BFSP2: variants seen among roughly 807,000 people sequenced by gnomAD.
BFSP2 encodes the protein beaded filament structural protein 2.
In BFSP2, 38 loss-of-function variants were observed where a neutral mutation model predicts 44.9. The ratio of observed to expected loss-of-function variants is 0.85; its 90% CI spans 0.65 to 1.11. The LOEUF (loss-of-function observed/expected upper bound fraction) is 1.11. Among genes scored for constraint, BFSP2 ranks in the 50% least tolerant of loss-of-function variants. The pLI, the probability that BFSP2 is intolerant of heterozygous loss-of-function variation, is 0.00. For synonymous variants in BFSP2, 197 were observed against 209.9 expected (o/e 0.94, Z 0.53); for missense variants, 525 against 533.0 (o/e 0.99, Z 0.15).
intron 1 of BFSP2, among the ~76,000 whole-genome samples, chr3:133,433,107 T>C (rs1375267373): frequency 6.6e-6 from 1 of 152,172 alleles, no homozygotes; most frequent in Admixed American, 6.5e-5. Context: ...AGTCCCACAA[T>C]TACTATTGTT....
chr3:133,466,897 T>G lies in BFSP2; in HGVS notation c.961T>G (p.Leu321Val), dbSNP rs1340149547. 6.2e-7 allele frequency: 1 copy of G among 1,613,496 alleles called. No individual in the cohort carries two copies. The highest frequency in any genetic ancestry group is 1.7e-5 in the Admixed American group (1 of 59,942). Residue 321 changes from leucine (L) to valine (V), a missense_variant, in exon 5 of 7, where the codon TTA (leucine) becomes GTA (valine). By Grantham distance (32) the Leu-to-Val change is conservative. Coordinates refer to ENST00000302334, the MANE Select transcript of BFSP2 (RefSeq NM_003571.4). ...EKLAAALRVE[L>V]HNTSCQVQSL... Reference sequence around the variant, plus strand: ...GCTGGCAGCTGCCCTCAGGGTGGAGTTACACAACACTTCGTGCCAAGTCCA... The same window carrying G: ...GCTGGCAGCTGCCCTCAGGGTGGAGGTACACAACACTTCGTGCCAAGTCCA...
chr3:133,430,642 C>T (rs4635703), intron 1 of BFSP2, among the ~76,000 whole-genome samples: 118,051 of 152,028 alleles, frequency 0.78, 46,032 homozygotes, highest in Middle Eastern at 0.93. Context: ...AGGTGCCTGA[C>T]GTCCAGGCAT....
At chr3:133,474,077 C>T (rs1190760641) in intron 6 of BFSP2, among the ~76,000 whole-genome samples, 1 of 152,156 alleles carries the variant, frequency 6.6e-6, no homozygotes, top group African/African-American at 2.4e-5. Context: ...CACACACACA[C>T]TTGCACTCAC....
chr3:133,455,843 C>T (rs2074008431), intron 4 of BFSP2: 1 of 152,526 alleles, frequency 6.6e-6, no homozygotes, highest in Non-Finnish European at 1.5e-5. Flanking sequence ...GGCACTGAGA[C>T]GTCTTTGTTC....
At chr3:133,463,266 A>G in intron 4 of BFSP2, among the ~76,000 whole-genome samples, 1 of 152,118 alleles carries the variant, frequency 6.6e-6, no homozygotes, top group East Asian at 1.9e-4. Context: ...CTGAGATCGC[A>G]CCATCGCACT....
chr3:133,424,500 C>A (rs1317919268), intron 1 of BFSP2, among the ~76,000 whole-genome samples: 1 of 49,558 alleles, frequency 2.0e-5, no homozygotes, highest in African/African-American at 1.2e-4. Context: ...TCTCAGCCCA[C>A]CAAATACTTT....
intron 1 of BFSP2, among the ~76,000 whole-genome samples, chr3:133,415,541 T>C: frequency 1.1e-5 from 1 of 93,554 alleles, no homozygotes; most frequent in African/African-American, 4.7e-5. Context: ...CTCAGCCATG[T>C]TCTCTCCCCT....
chr3:133,429,906 T>C (rs1210073748), intron 1 of BFSP2, among the ~76,000 whole-genome samples: 1 of 150,690 alleles, frequency 6.6e-6, no homozygotes, highest in African/African-American at 2.5e-5. Flanking sequence ...CCCTCCCCAC[T>C]ACCCCCACCC....
At chr3:133,416,927 C>CA (rs2073539467) in intron 1 of BFSP2, among the ~76,000 whole-genome samples, 1 of 135,032 alleles carries the variant, frequency 7.4e-6, no homozygotes, top group Non-Finnish European at 1.6e-5. Context: ...CTCACCCGTC[C>CA]TCTGCCCTCT....
chr3:133,421,749 G>C lies in BFSP2; in HGVS notation c.489+21177G>C, dbSNP rs144745660. On this transcript the variant is annotated intron_variant, in intron 1 of 6. Coordinates refer to ENST00000302334, the MANE Select transcript of BFSP2 (RefSeq NM_003571.4). ...TTGTCAACTGTCATTTAAAAATGTT[G>C]CAGAAATATCAGTATTTCTGCACCT... 2.4e-3 allele frequency among the ~76,000 whole-genome samples: 364 copies of C among 152,186 alleles called. 2 individuals carry two copies. Among genetic ancestry groups the C allele is most frequent in the African/African-American group, 8.1e-3 (337 of 41,490 alleles).
intron 6 of BFSP2, among the ~76,000 whole-genome samples, chr3:133,474,386 G>C (rs763327382): frequency 7.2e-5 from 11 of 152,228 alleles, no homozygotes; most frequent in Non-Finnish European, 1.5e-4. Context: ...CAGGTCTCCT[G>C]CTCTCTCCAA....
intron 1 of BFSP2, among the ~76,000 whole-genome samples, chr3:133,407,676 A>G (rs1345751763): frequency 1.3e-5 from 2 of 152,208 alleles, no homozygotes; most frequent in Non-Finnish European, 2.9e-5. Context: ...CGTTGGCACA[A>G]AAAAGATGAG....
intron 1 of BFSP2, among the ~76,000 whole-genome samples, chr3:133,407,403 C>T (rs930119730): frequency 3.9e-5 from 6 of 152,176 alleles, no homozygotes; most frequent in Non-Finnish European, 7.3e-5. Context: ...AAACACCATG[C>T]ACTCAAATAG....
chr3:133,459,550 G>A (rs1011540094), intron 4 of BFSP2, among the ~76,000 whole-genome samples: 7 of 152,128 alleles, frequency 4.6e-5, no homozygotes, highest in Admixed American at 1.3e-4. Flanking sequence ...TCAATAGCTG[G>A]GCAGTTCTTG....
chr3:133,420,629 C>T (rs2073584094), intron 1 of BFSP2, among the ~76,000 whole-genome samples: 1 of 152,196 alleles, frequency 6.6e-6, no homozygotes, highest in South Asian at 2.1e-4. Context: ...TCCTTCCTTA[C>T]AGCAAGCAGG....
intron 4 of BFSP2, 21 bp downstream of exon 4, chr3:133,450,485 C>A: frequency 6.2e-7 from 1 of 1,613,608 alleles, no homozygotes; most frequent in Non-Finnish European, 8.5e-7. Flanking sequence ...GGACCAGCAT[C>A]CTCCACTCTG....
intron 5 of BFSP2, among the ~76,000 whole-genome samples, chr3:133,470,071 T>A (rs994501984): frequency 1.3e-5 from 2 of 152,218 alleles, no homozygotes; most frequent in African/African-American, 2.4e-5. Context: ...CAAATGATGC[T>A]CAAAGTCAAG....
At chr3:133,426,302 C>T (rs904694274) in intron 1 of BFSP2, among the ~76,000 whole-genome samples, 1 of 152,108 alleles carries the variant, frequency 6.6e-6, no homozygotes, top group African/African-American at 2.4e-5. Flanking sequence ...GCTGACGTGC[C>T]TGTCAAGGGC....
Position 133,456,450 on chromosome 3 carries a change from T to C in BFSP2, c.891+5986T>C, listed in dbSNP as rs373449799. On this transcript the variant is annotated intron_variant, in intron 4 of 6. Coordinates refer to ENST00000302334, the MANE Select transcript of BFSP2 (RefSeq NM_003571.4). ...TGCAGCAATCCGGTATGGTAGCTAC[T>C]GGCCTCAAGGGGTTATACAGGTGCA... Among the ~76,000 whole-genome samples, 17 of 152,330 alleles carry C rather than the reference T, an allele frequency of 1.1e-4. No homozygotes were observed. The East Asian group carries it at 1.9e-3, about 17-fold the overall frequency.
Sources: gnomAD v4.1 joint callset for allele counts (sites outside exome capture counted in the v4.1 genomes callset) on GRCh38, gnomAD v4.1.1 for gene constraint, MANE v1.5 for transcripts, NCBI Gene and HGNC (gene_info 2026-07-23, HGNC 2026-07-21) for gene names.